The following GPR132 variants were observed in gnomAD, a reference collection of about 807,000 sequenced individuals.
The protein encoded by GPR132 is G protein-coupled receptor 132.
GPR132 carries 4 observed loss-of-function variants against 1.9 expected under a neutral mutation model. The ratio of observed to expected loss-of-function variants is 2.13; its 90% CI spans 1.05 to 4.87. GPR132 has a LOEUF of 4.87. Ranked by LOEUF, GPR132 falls within the 30% of genes most tolerant of loss-of-function variation. The pLI is 0.01. For missense variants in GPR132, 404 were observed against 512.5 expected, an observed-to-expected ratio of 0.79 and a Z score of 2.04; for synonymous variants, 233 against 234.2, an observed-to-expected ratio of 0.99 and a Z score of 0.05.
Position 105,049,788 on chromosome 14 carries a change from T to C in GPR132, c.*1206A>G, listed in dbSNP as rs1886581450. 1 of 152,214 alleles carries C rather than the reference T, an allele frequency of 6.6e-6. No homozygotes were observed. The highest frequency in any genetic ancestry group is 2.4e-5 in the African/African-American group (1 of 41,418). The allele number at this position is 152,214 out of a possible 1,614,324, so 9.4% of individuals were successfully genotyped here. A position where few individuals can be genotyped will look rare whatever the true frequency, so the allele number is the denominator to read the frequency against. ...GAGCAAGGCCCTGTCTCTAAAAAAA[T>C]AAATATTAAAAACAAAAACAAAAAC... On this transcript the variant is annotated 3_prime_UTR_variant, in exon 4 of 4. Coordinates refer to ENST00000329797, the MANE Select transcript of GPR132 (RefSeq NM_013345.4).
Position 105,049,558 on chromosome 14 carries a change from C to T in GPR132, c.*1436G>A, listed in dbSNP as rs552755374. 8 of 152,278 alleles carry T rather than the reference C, an allele frequency of 5.3e-5. No homozygotes were observed. Among genetic ancestry groups the T allele is most frequent in the Admixed American group, 2.6e-4 (4 of 15,292 alleles). The allele number at this position is 152,278 out of a possible 1,614,324, so 9.4% of individuals were successfully genotyped here. ...GATGACAGGCGTGAGCACTGCCCTG[C>T]CTTGTGCTTTTATTTCTAAACACAT... On this transcript the variant is annotated 3_prime_UTR_variant, in exon 4 of 4. Coordinates refer to ENST00000329797, the MANE Select transcript of GPR132 (RefSeq NM_013345.4).
chr14:105,054,193 C>G, intron 3 of GPR132: 1 of 1,238,262 alleles, frequency 8.1e-7, no homozygotes, highest in Non-Finnish European at 1.0e-6. Flanking sequence ...CGTTGCCAAA[C>G]TTATTGGGCC....
At position 105,055,618 on chromosome 14, in the gene GPR132, T is replaced by C; in HGVS notation, c.-198A>G. On this transcript the variant is annotated 5_prime_UTR_variant, in exon 3 of 4. Transcript: ENST00000329797. The surrounding 1 kb of genome is among the most constrained non-coding windows in gnomAD (Gnocchi z 4.7). ...CATCTCTGCGTGTCTTCAGCGTGTG[T>C]CCTTCCGTGTCTCACGTGCTCCACT... 1 of 622,634 alleles carries C rather than the reference T, an allele frequency of 1.6e-6. No individual in the cohort carries two copies. Among genetic ancestry groups the C allele is most frequent in the Non-Finnish European group, 2.9e-6 (1 of 341,000 alleles). The allele number at this position is 622,634 out of a possible 1,614,324, so 38.6% of individuals were successfully genotyped here.
At position 105,051,919 on chromosome 14, in the gene GPR132, T is replaced by C; in HGVS notation, c.218A>G (p.Gln73Arg). Residue 73 changes from glutamine to arginine, a missense_variant, in exon 4 of 4, where the codon CAG (glutamine) becomes CGG (arginine). Gln to Arg is a conservative substitution (Grantham distance 43). Transcript: ENST00000329797. This position sits in a 1 kb window ranked among gnomAD's most constrained non-coding sequence, Gnocchi z 8.0. ...CAGGTAGACGGCCAGCACGTTGCCC[T>C]GCAGTACCTGCAGCAGCGCCAGCCA... is the stretch of plus-strand genomic sequence containing the variant. ...TAWLALLQVL[Q>R]GNVLAVYLLC... 6.2e-7 allele frequency: 1 copy of C among 1,613,542 alleles called. No individual in the cohort carries two copies. The highest frequency in any genetic ancestry group is 1.3e-5 in the African/African-American group (1 of 75,068).
At chr14:105,053,048 C>T (rs971073041) in intron 3 of GPR132, among the ~76,000 whole-genome samples, 12 of 151,764 alleles carry the variant, frequency 7.9e-5, no homozygotes, top group Admixed American at 2.0e-4. Flanking sequence ...GTCTGTTAGG[C>T]GCTGCTACTA....
Position 105,050,814 on chromosome 14 carries a change from A to G in GPR132, c.*180T>C, listed in dbSNP as rs1017228554. Reference sequence around the variant, plus strand: ...TCGCTCCTCCCCTTGGCATGCAGCCACCTTCCATGTGGGAAAGCCTGGGGC... The same window carrying G: ...TCGCTCCTCCCCTTGGCATGCAGCCGCCTTCCATGTGGGAAAGCCTGGGGC... On this transcript the variant is annotated 3_prime_UTR_variant, in exon 4 of 4. Coordinates refer to ENST00000329797, the MANE Select transcript of GPR132 (RefSeq NM_013345.4). This position sits in a 1 kb window ranked among gnomAD's most constrained non-coding sequence, Gnocchi z 4.0. The G allele has an allele frequency of 3.2e-6, 2 of 623,322 alleles. No homozygotes were observed. The highest frequency in any genetic ancestry group is 4.2e-5 in the South Asian group (2 of 47,324). The allele number at this position is 623,322 out of a possible 1,614,324, so 38.6% of individuals were successfully genotyped here.
At chr14:105,058,051 G>A (rs888211448) in intron 1 of GPR132, 1 of 152,122 alleles carries the variant, frequency 6.6e-6, no homozygotes, top group Non-Finnish European at 1.5e-5. Context: ...GAAAGTTGAT[G>A]AGCTTTCACA....
chr14:105,053,504 A>G (rs1886707933), intron 3 of GPR132, among the ~76,000 whole-genome samples: 1 of 152,158 alleles, frequency 6.6e-6, no homozygotes, highest in African/African-American at 2.4e-5. Context: ...ACTATCAATT[A>G]CTAAAAAAGA....
rs1365740625 is a variant in GPR132 at position 105,056,272 on chromosome 14, A to C, written c.-746-106T>G. ...GCGGGCGGCGGGGGGCAGTGAAGGC[A>C]GTTCTCGGGTGGGAGGCCCAACGCC... On this transcript the variant is annotated intron_variant, in intron 2 of 3. Transcript: ENST00000329797. This position sits in a 1 kb window ranked among gnomAD's most constrained non-coding sequence, Gnocchi z 6.0. 1.5e-5 allele frequency: 8 copies of C among 535,002 alleles called. No individual in the cohort carries two copies. The highest frequency in any genetic ancestry group is 1.9e-5 in the Non-Finnish European group (8 of 418,414). 33.1% of individuals were successfully genotyped at this position (535,002 alleles called of 1,614,324 possible). A position where few individuals can be genotyped will look rare whatever the true frequency, so the allele number is the denominator to read the frequency against.
At position 105,050,885 on chromosome 14, in the gene GPR132, T is replaced by G. The variant is rs375041019; in HGVS notation, c.*109A>C. The G allele has an allele frequency of 3.9e-6, 4 of 1,017,388 alleles. No individual in the cohort carries two copies. The African/African-American group carries it at 6.4e-5, about 16-fold the overall frequency. 63.0% of individuals were successfully genotyped at this position (1,017,388 alleles called of 1,614,324 possible). A position where few individuals can be genotyped will look rare whatever the true frequency, so the allele number is the denominator to read the frequency against. On this transcript the variant is annotated 3_prime_UTR_variant, in exon 4 of 4. Transcript: ENST00000329797. The surrounding 1 kb of genome is among the most constrained non-coding windows in gnomAD (Gnocchi z 4.0). ...GCTTCAGGAACGAGAAATTGGTAGT[T>G]TGTCTTCCAGAGGGGACATGGGCAC... is the stretch of plus-strand genomic sequence containing the variant.
At position 105,056,154 on chromosome 14, in the gene GPR132, C is replaced by G. The variant is rs1197740640; in HGVS notation, c.-734G>C. The G allele has an allele frequency of 1.0e-6, 1 of 986,202 alleles. No individual in the cohort carries two copies. The highest frequency in any genetic ancestry group is 1.2e-6 in the Non-Finnish European group (1 of 830,360). 61.1% of individuals were successfully genotyped at this position (986,202 alleles called of 1,614,324 possible). A position where few individuals can be genotyped will look rare whatever the true frequency, so the allele number is the denominator to read the frequency against. On this transcript the variant is annotated 5_prime_UTR_variant, in exon 3 of 4. Coordinates refer to ENST00000329797, the MANE Select transcript of GPR132 (RefSeq NM_013345.4). This position sits in a 1 kb window ranked among gnomAD's most constrained non-coding sequence, Gnocchi z 6.0. ...CTCCGGGTGAGTGTCGTGTCCCTTG[C>G]TCACCTTCCTCCCTGGGCAGAGGGA...
intron 1 of GPR132, among the ~76,000 whole-genome samples, chr14:105,061,752 G>T (rs1886949710): frequency 6.6e-6 from 1 of 152,110 alleles, no homozygotes; most frequent in Non-Finnish European, 1.5e-5. Context: ...TGGGGGGGGG[G>T]AGTCCCTCCT....
rs1886757654 is a variant in GPR132 at position 105,055,212 on chromosome 14, A to G, written c.34+175T>C. Reference sequence around the variant, plus strand: ...AGGCGTGGTGGGCACCTGTAATCCCAGCTACTTGGGAGGCTGATGCAGGAG... The same window carrying G: ...AGGCGTGGTGGGCACCTGTAATCCCGGCTACTTGGGAGGCTGATGCAGGAG... On this transcript the variant is annotated intron_variant, in intron 3 of 3. Coordinates refer to ENST00000329797, the MANE Select transcript of GPR132 (RefSeq NM_013345.4). The surrounding 1 kb of genome is among the most constrained non-coding windows in gnomAD (Gnocchi z 4.7). Among the ~76,000 whole-genome samples the G allele has an allele frequency of 6.6e-6, 1 of 151,924 alleles. No individual in the cohort carries two copies.
chr14:105,063,843 T>C (rs1319584029), intron 1 of GPR132, among the ~76,000 whole-genome samples: 1 of 99,348 alleles, frequency 1.0e-5, no homozygotes, highest in African/African-American at 2.7e-5. Flanking sequence ...ATTTCTTTCT[T>C]TCTTTTTTTT....
Position 105,057,597 on chromosome 14 carries a change from T to G in GPR132, c.-860-317A>C, listed in dbSNP as rs1457334307. 4 of 151,012 alleles carry G rather than the reference T, an allele frequency of 2.6e-5. No homozygotes were observed. In the Admixed American group the frequency reaches 2.8e-4, roughly 11 times the overall value. The allele number at this position is 151,012 out of a possible 1,614,324, so 9.4% of individuals were successfully genotyped here. On this transcript the variant is annotated intron_variant, in intron 1 of 3. Coordinates refer to ENST00000329797, the MANE Select transcript of GPR132 (RefSeq NM_013345.4). ...GTGCAGTAGCACAATCTCGGCTCACTGCAACCTCTGCCTCCCGGGTTCAAA... is the reference window on the plus strand; with the variant it reads ...GTGCAGTAGCACAATCTCGGCTCACGGCAACCTCTGCCTCCCGGGTTCAAA...
At chr14:105,052,524 AC>A (rs1358522033) in intron 3 of GPR132, among the ~76,000 whole-genome samples, 1 of 151,654 alleles carries the variant, frequency 6.6e-6, no homozygotes. Flanking sequence ...ACGGGGTTTC[AC>A]CATGTTGGCC....
rs1886647786 is a variant in GPR132 at position 105,051,669 on chromosome 14, CCGG to C, written c.465_467del (p.Arg157del). 1.2e-6 allele frequency: 2 copies of C among 1,613,596 alleles called. No individual in the cohort carries two copies. Among genetic ancestry groups the C allele is most frequent in the East Asian group, 2.2e-5 (1 of 44,902 alleles). ...AGGCGGAGATGAGGATGGCGGTCCTCCGGCGGCGGCGGCCCCGACTCTCCAGCG... is the reference window on the plus strand; with the variant it reads ...AGGCGGAGATGAGGATGGCGGTCCTCCGGCGGCGGCCCCGACTCTCCAGCG... On this transcript the variant is annotated inframe_deletion, in exon 4 of 4. Coordinates refer to ENST00000329797, the MANE Select transcript of GPR132 (RefSeq NM_013345.4). This position sits in a 1 kb window ranked among gnomAD's most constrained non-coding sequence, Gnocchi z 8.0.
In GPR132 at chr14:105,050,598, T is replaced by C. The variant is rs946460248; in HGVS notation, c.*396A>G. ...AGAGGGCCCACAATGCACCACCGCA[T>C]CCAGGCAACGCTTGCAGAAATGCTC... On this transcript the variant is annotated 3_prime_UTR_variant, in exon 4 of 4. Transcript: ENST00000329797. The surrounding 1 kb of genome is among the most constrained non-coding windows in gnomAD (Gnocchi z 4.0). 5.7e-5 allele frequency: 13 copies of C among 227,560 alleles called. No homozygotes were observed. Among genetic ancestry groups the C allele is most frequent in the African/African-American group, 2.9e-4 (13 of 44,070 alleles). The allele number at this position is 227,560 out of a possible 1,614,324, so 14.1% of individuals were successfully genotyped here. A position where few individuals can be genotyped will look rare whatever the true frequency, so the allele number is the denominator to read the frequency against.
At position 105,050,779 on chromosome 14, in the gene GPR132, C is replaced by T; in HGVS notation, c.*215G>A. 1.7e-6 allele frequency: 1 copy of T among 579,614 alleles called. No homozygotes were observed. Among genetic ancestry groups the T allele is most frequent in the South Asian group, 2.2e-5 (1 of 46,022 alleles). 35.9% of individuals were successfully genotyped at this position (579,614 alleles called of 1,614,324 possible). ...CACATGCTCTCTGGGCTCCCGGAAG[C>T]CTGGAGGTGTCGCTCCTCCCCTTGG... is the stretch of plus-strand genomic sequence containing the variant. On this transcript the variant is annotated 3_prime_UTR_variant, in exon 4 of 4. Transcript: ENST00000329797. This position sits in a 1 kb window ranked among gnomAD's most constrained non-coding sequence, Gnocchi z 4.0.
Sources: gnomAD v4.1 joint callset for allele counts (sites outside exome capture counted in the v4.1 genomes callset) on GRCh38, gnomAD v4.1.1 for gene constraint, Gnocchi (gnomAD v3.1) non-coding constraint, MANE v1.5 for transcripts, NCBI Gene and HGNC (gene_info 2026-07-23, HGNC 2026-07-21) for gene names.